The following OTOA variants were observed in gnomAD, a reference collection of about 807,000 sequenced individuals.
OTOA encodes otoancorin.
A neutral mutation model predicts 110.8 loss-of-function variants in OTOA; 70 were observed. That is an observed-to-expected ratio of 0.63 (90% CI 0.52 to 0.77). The LOEUF is 0.77. Among genes scored for constraint, OTOA ranks in the 30% least tolerant of loss-of-function variants. The pLI is 0.00. For missense variants in OTOA, 917 were observed against 1,075.8 expected (o/e 0.85, Z 2.06); for synonymous variants, 373 against 431.5 (o/e 0.86, Z 1.68).
At chr16:21,681,941 A>T (rs1365154687) in intron 6 of OTOA, 116 bp downstream of exon 6, 5 of 946,344 alleles carry the variant, frequency 5.3e-6, no homozygotes, top group Non-Finnish European at 8.4e-6. Context: ...TGCTTCTGCA[A>T]GGAAAAGGGT....
chr16:21,731,318 A>ATGTT (rs1482931157), intron 21 of OTOA, among the ~76,000 whole-genome samples: 2 of 152,260 alleles, frequency 1.3e-5, no homozygotes, highest in Non-Finnish European at 2.9e-5. Context: ...TCCAATAACA[A>ATGTT]GTCTTTATTG....
chr16:21,665,014 AAAC>A (rs994516860), intron 1 of OTOA, among the ~76,000 whole-genome samples: 1 of 144,010 alleles, frequency 6.9e-6, no homozygotes. Flanking sequence ...ATAAATAAAT[AAAC>A]AAATAAAGTT....
chr16:21,714,851 A>G, intron 13 of OTOA, 134 bp from the exon 14 acceptor site: 1 of 1,142,678 alleles, frequency 8.8e-7, no homozygotes, highest in South Asian at 1.3e-5. Flanking sequence ...CTGTGGAGGC[A>G]GCATCTGTCT....
chr16:21,749,558 A>C (rs1464759104), intron 24 of OTOA, among the ~76,000 whole-genome samples: 111 of 147,824 alleles, frequency 7.5e-4, no homozygotes, highest in Non-Finnish European at 1.3e-3. Context: ...AAGCAAAGAG[A>C]GTTGGGAAGA....
rs371821171 is a variant in OTOA at position 21,687,544 on chromosome 16, G to A, written c.531G>A (p.Val177=). 8 of 1,614,132 alleles carry A rather than the reference G, an allele frequency of 5.0e-6. No homozygotes were observed. In the South Asian group the frequency reaches 8.8e-5, roughly 18 times the overall value. The change falls in exon 8 of 29, where the codon GTG becomes GTA. Residue 177 remains valine (V), a synonymous_variant. Coordinates refer to ENST00000646100, the MANE Select transcript of OTOA (RefSeq NM_144672.4). Reference sequence around the variant, plus strand: ...AGATGCTGAACTCCCTGGAGTGTGTGGAGATCCTGGGCAAGGTGCTGAGGG... The same window carrying A: ...AGATGCTGAACTCCCTGGAGTGTGTAGAGATCCTGGGCAAGGTGCTGAGGG... The part of the protein sequence containing the change: ...CFQMLNSLEC[V]EILGKVLRGS...
chr16:21,682,599 G>A (rs1193833957), intron 6 of OTOA, among the ~76,000 whole-genome samples: 2 of 152,214 alleles, frequency 1.3e-5, no homozygotes, highest in Non-Finnish European at 2.9e-5. Context: ...GGTGGTGACT[G>A]CGGTGAACTG....
intron 1 of OTOA, among the ~76,000 whole-genome samples, chr16:21,676,428 G>A (rs1334326255): frequency 2.0e-5 from 3 of 152,094 alleles, no homozygotes; most frequent in African/African-American, 7.2e-5. Context: ...AGATTTGTTA[G>A]GGCAGATCTG....
intron 28 of OTOA, among the ~76,000 whole-genome samples, chr16:21,759,063 G>A (rs1278583227): frequency 1.3e-5 from 2 of 152,118 alleles, no homozygotes; most frequent in Admixed American, 6.6e-5. Flanking sequence ...ATATTTGAAA[G>A]TTATTTGTAA....
chr16:21,731,328 G>C lies in OTOA; in HGVS notation c.2301+398G>C, dbSNP rs552002168. ...TTTAATCCAATAACAAGTCTTTATT[G>C]ATCATTACATTTGGGCATGACGCTT... On this transcript the variant is annotated intron_variant, in intron 21 of 28. Transcript: ENST00000646100. 7.9e-5 allele frequency among the ~76,000 whole-genome samples: 12 copies of C among 152,328 alleles called. No individual in the cohort carries two copies. In the East Asian group the frequency reaches 1.5e-3, roughly 20 times the overall value.
At chr16:21,733,993 T>G (rs1253432372) in intron 21 of OTOA, among the ~76,000 whole-genome samples, 5 of 151,928 alleles carry the variant, frequency 3.3e-5, no homozygotes, top group African/African-American at 1.2e-4. Flanking sequence ...AGAAACGGGG[T>G]TTCACCGTGT....
intron 6 of OTOA, among the ~76,000 whole-genome samples, chr16:21,683,851 C>T (rs1479913458): frequency 6.6e-6 from 1 of 151,190 alleles, no homozygotes; most frequent in Non-Finnish European, 1.5e-5. Context: ...TCACCACAAC[C>T]TCCTCCTCCC....
chr16:21,715,443 GT>G (rs943149388), intron 14 of OTOA, among the ~76,000 whole-genome samples: 3 of 149,264 alleles, frequency 2.0e-5, no homozygotes, highest in East Asian at 2.0e-4. Flanking sequence ...GTTCAAGTTT[GT>G]TTTTTTTTTT....
At chr16:21,672,572 G>C (rs1421257467) in intron 1 of OTOA, among the ~76,000 whole-genome samples, 1 of 148,666 alleles carries the variant, frequency 6.7e-6, no homozygotes, top group Non-Finnish European at 1.5e-5. Context: ...GCAGTGAGCC[G>C]AGATTGCGCC....
chr16:21,755,447 CGTGTGTGTGT>C (rs4016992), intron 27 of OTOA, among the ~76,000 whole-genome samples: 18 of 68,626 alleles, frequency 2.6e-4, no homozygotes, highest in East Asian at 8.5e-4. Context: ...ACCACCCCAC[CGTGTGTGTGT>C]GTGTGTGTGT....
At chr16:21,672,295 G>A (rs950556047) in intron 1 of OTOA, among the ~76,000 whole-genome samples, 2 of 151,914 alleles carry the variant, frequency 1.3e-5, no homozygotes, top group Non-Finnish European at 2.9e-5. Context: ...TTCCCTTTGG[G>A]TGCTTAAAAA....
intron 1 of OTOA, among the ~76,000 whole-genome samples, chr16:21,672,560 T>G (rs975824254): frequency 2.0e-5 from 3 of 150,516 alleles, no homozygotes; most frequent in South Asian, 4.2e-4. Context: ...GAGGCGGAGG[T>G]TGCAGTGAGC....
At chr16:21,716,231 A>G (rs1246473087) in intron 14 of OTOA, among the ~76,000 whole-genome samples, 1 of 151,708 alleles carries the variant, frequency 6.6e-6, no homozygotes, top group East Asian at 1.9e-4. Flanking sequence ...GTCTTTTGAC[A>G]TCTTGCTCTA....
intron 9 of OTOA, among the ~76,000 whole-genome samples, chr16:21,695,891 A>ATATATATATATATATATTTTTTTTTTTT (rs569493650): frequency 2.4e-5 from 1 of 41,904 alleles, no homozygotes; most frequent in African/African-American, 1.5e-4. Flanking sequence ...ATATATATAT[A>ATATATATATATATATATTTTTTTTTTTT]TTTTTTTTTT....
intron 1 of OTOA, among the ~76,000 whole-genome samples, chr16:21,667,666 G>T (rs1966843365): frequency 6.6e-6 from 1 of 151,740 alleles, no homozygotes; most frequent in South Asian, 2.1e-4. Flanking sequence ...TTTTCAGTAA[G>T]GGAACATGGA....
Sources: gnomAD v4.1 joint callset for allele counts (sites outside exome capture counted in the v4.1 genomes callset) on GRCh38, gnomAD v4.1.1 for gene constraint, MANE v1.5 for transcripts, NCBI Gene and HGNC (gene_info 2026-07-23, HGNC 2026-07-21) for gene names.